Variants in ABLIM3 observed in about 807,000 individuals in gnomAD.
ABLIM3 encodes the protein actin-binding LIM protein 3.
Under a neutral mutation model 109.5 loss-of-function variants are expected in ABLIM3, and 61 were observed. The observed-to-expected ratio is 0.56, with a 90% confidence interval of 0.45 to 0.69. The LOEUF (loss-of-function observed/expected upper bound fraction) is 0.69. Among genes scored for constraint, ABLIM3 ranks in the 30% least tolerant of loss-of-function variants. The probability of loss-of-function intolerance (pLI) is 0.00; values close to 1 mark genes in which losing one functional copy is unlikely to be tolerated. For missense variants in ABLIM3, 796 were observed against 889.5 expected (o/e 0.89, Z 1.34); for synonymous variants, 300 against 324.8 (o/e 0.92, Z 0.82).
intron 2 of ABLIM3, among the ~76,000 whole-genome samples, chr5:149,168,747 CAT>C: frequency 6.6e-6 from 1 of 152,274 alleles, no homozygotes; most frequent in South Asian, 2.1e-4. Flanking sequence ...GATATTGGCA[CAT>C]GATATGGTGA....
Position 149,259,515 on chromosome 5 carries a change from C to G in ABLIM3, c.*1111C>G. ...ATACCATACCCCCGCCAGTCCTCGG[C>G]TCCTGCTGCAAAGTTGGCCATGTTT... is the stretch of plus-strand genomic sequence containing the variant. On this transcript the variant is annotated 3_prime_UTR_variant, in exon 24 of 24. Transcript: ENST00000309868. 1 of 1,536,218 alleles carries G rather than the reference C, an allele frequency of 6.5e-7. No homozygotes were observed. Among genetic ancestry groups the G allele is most frequent in the Non-Finnish European group, 8.7e-7 (1 of 1,146,932 alleles).
intron 7 of ABLIM3, among the ~76,000 whole-genome samples, chr5:149,213,668 G>A (rs1331907613): frequency 3.9e-5 from 6 of 152,190 alleles, no homozygotes; most frequent in Non-Finnish European, 7.3e-5. Flanking sequence ...AAGCTGCTTT[G>A]AAATCCTGTT....
At chr5:149,173,997 G>C (rs1411808432) in intron 2 of ABLIM3, among the ~76,000 whole-genome samples, 1 of 147,956 alleles carries the variant, frequency 6.8e-6, no homozygotes, top group Admixed American at 6.7e-5. Context: ...ACTCCAGCCT[G>C]GGCAACAGAG....
chr5:149,221,946 G>A (rs536348760), intron 8 of ABLIM3, among the ~76,000 whole-genome samples: 306 of 152,158 alleles, frequency 2.0e-3, no homozygotes, highest in Non-Finnish European at 3.6e-3. Context: ...CTGGAATTAC[G>A]TAAGTTCAGC....
intron 8 of ABLIM3, among the ~76,000 whole-genome samples, chr5:149,222,497 C>T (rs1262075650): frequency 6.6e-6 from 1 of 151,998 alleles, no homozygotes; most frequent in African/African-American, 2.4e-5. Context: ...GGCAGAGGGT[C>T]CATAGCTTTC....
At chr5:149,251,952 C>T (rs1228069983) in intron 21 of ABLIM3, among the ~76,000 whole-genome samples, 1 of 152,204 alleles carries the variant, frequency 6.6e-6, no homozygotes, top group African/African-American at 2.4e-5. Flanking sequence ...CTAAATATCT[C>T]TAAGGCCATT....
At chr5:149,237,869 G>A (rs142756393) in intron 11 of ABLIM3, among the ~76,000 whole-genome samples, 41 of 152,278 alleles carry the variant, frequency 2.7e-4, no homozygotes, top group African/African-American at 8.4e-4. Context: ...CAGGACATGA[G>A]CTTTCCATTC....
rs1487863071 is a variant in ABLIM3, at chr5:149,240,729, T to A, written c.1258T>A (p.Ser420Thr). The A allele has an allele frequency of 6.2e-6, 10 of 1,614,060 alleles. No homozygotes were observed. Among genetic ancestry groups the A allele is most frequent in the African/African-American group, 1.3e-5 (1 of 74,922 alleles). ...CCATAGCCAGTTAGATGTGAGGTCC[T>A]CCACTCCAACCTCTTACCAGGCTCC... ...PYHSQLDVRS[S>T]TPTSYQAPKH... The change falls in exon 14 of 24, where the codon TCC (serine) becomes ACC (threonine). Residue 420 changes from serine (S) to threonine (T), a missense_variant. Transcript: ENST00000309868.
chr5:149,258,171 A>G lies in ABLIM3; in HGVS notation c.1939-120A>G, dbSNP rs1754612320. ...CCCAGGCTCAGGCACCATGCAAGGC[A>G]CAGGGTGCCCAGAGGGAACATGCAG... On this transcript the variant is annotated intron_variant, in intron 23 of 23. Coordinates refer to ENST00000309868, the MANE Select transcript of ABLIM3 (RefSeq NM_014945.5). The G allele has an allele frequency of 6.5e-5, 49 of 755,724 alleles. 1 individual carries two copies. In the South Asian group the frequency reaches 8.4e-4, roughly 13 times the overall value. 46.8% of individuals were successfully genotyped at this position (755,724 alleles called of 1,614,324 possible).
At chr5:149,221,205 A>G (rs1321242178) in intron 8 of ABLIM3, among the ~76,000 whole-genome samples, 1 of 152,190 alleles carries the variant, frequency 6.6e-6, no homozygotes, top group East Asian at 1.9e-4. Context: ...GGGTGGGTGG[A>G]AGCAGAACGA....
intron 2 of ABLIM3, chr5:149,177,016 G>A (rs1032800682): frequency 1.3e-5 from 2 of 152,084 alleles, no homozygotes; most frequent in African/African-American, 4.8e-5. Context: ...TTGTCCTCTG[G>A]GTCTCAGCTT....
chr5:149,151,903 G>C (rs1233467956), intron 2 of ABLIM3, among the ~76,000 whole-genome samples: 2 of 152,326 alleles, frequency 1.3e-5, no homozygotes, highest in Non-Finnish European at 2.9e-5. Flanking sequence ...TAAGCATAAT[G>C]CTGGAGATAC....
intron 2 of ABLIM3, 33 bp from the exon 3 acceptor site, chr5:149,183,419 C>T (rs775046965): frequency 1.5e-5 from 23 of 1,485,934 alleles, no homozygotes; most frequent in Non-Finnish European, 2.0e-5. Flanking sequence ...GAATCAGGGC[C>T]TCTGGATAGT....
At position 149,237,436 on chromosome 5, in the gene ABLIM3, C is replaced by T; in HGVS notation, c.889-12C>T. The T allele has an allele frequency of 6.2e-7, 1 of 1,613,260 alleles. No individual in the cohort carries two copies. ...TTTCTATTCCTTTCCTGTCCATTTC[C>T]CTCTTCCCTAGGCTAAAGTGGATAA... On this transcript the variant is annotated splice_polypyrimidine_tract_variant and intron_variant, in intron 10 of 23. Coordinates refer to ENST00000309868, the MANE Select transcript of ABLIM3 (RefSeq NM_014945.5).
chr5:149,260,049 G>C lies in ABLIM3; in HGVS notation c.*1645G>C, dbSNP rs899648177. ...ACGGATGTAAGGCAGAAAGTGATCG[G>C]AGAAGGAATGAGAAAGTGTGCGTGA... On this transcript the variant is annotated 3_prime_UTR_variant, in exon 24 of 24. Coordinates refer to ENST00000309868, the MANE Select transcript of ABLIM3 (RefSeq NM_014945.5). The C allele has an allele frequency of 6.2e-6, 1 of 160,730 alleles. No homozygotes were observed. The highest frequency in any genetic ancestry group is 1.4e-5 in the Non-Finnish European group (1 of 72,966). 10.0% of individuals were successfully genotyped at this position (160,730 alleles called of 1,614,324 possible). A position where few individuals can be genotyped will look rare whatever the true frequency, so the allele number is the denominator to read the frequency against.
Position 149,142,028 on chromosome 5 carries a change from G to GA in ABLIM3, c.-66dup, listed in dbSNP as rs1008325475. Reference sequence around the variant, plus strand: ...CCCCAGGTGATGAGTGAGGTTCGAAGAACGGAAGATTTAAAAAGCAGCCGG... The same window carrying GA: ...CCCCAGGTGATGAGTGAGGTTCGAAGAAACGGAAGATTTAAAAAGCAGCCGG... On this transcript the variant is annotated 5_prime_UTR_variant, in exon 2 of 24. It introduces an in-frame stop codon into an upstream open reading frame of the 5' UTR. Coordinates refer to ENST00000309868, the MANE Select transcript of ABLIM3 (RefSeq NM_014945.5). 1 of 1,611,598 alleles carries GA rather than the reference G, an allele frequency of 6.2e-7. No individual in the cohort carries two copies. Among genetic ancestry groups the GA allele is most frequent in the Non-Finnish European group, 8.5e-7 (1 of 1,178,266 alleles).
At chr5:149,154,407 C>T (rs183217928) in intron 2 of ABLIM3, among the ~76,000 whole-genome samples, 5 of 152,274 alleles carry the variant, frequency 3.3e-5, no homozygotes, top group Admixed American at 1.3e-4. Context: ...GAGCCTGGGC[C>T]TGTTACATGT....
chr5:149,195,645 G>A (rs1757894303), intron 3 of ABLIM3, among the ~76,000 whole-genome samples: 2 of 152,294 alleles, frequency 1.3e-5, no homozygotes, highest in South Asian at 4.1e-4. Context: ...GGAAAAAACC[G>A]GAGCTGTTTC....
In ABLIM3 at chr5:149,240,661, T is replaced by G. The variant is rs3797315; in HGVS notation, c.1205-15T>G. On this transcript the variant is annotated splice_polypyrimidine_tract_variant and intron_variant, in intron 13 of 23. Transcript: ENST00000309868. ...GCCTCTGTTTTCTTTGGCGACCACT[T>G]CCTGCGTGCTCCAGGGCCCGAGAGT... 748,809 of 1,608,638 alleles carry G rather than the reference T, an allele frequency of 0.47. 177,405 individuals carry two copies. The highest frequency in any genetic ancestry group is 0.6 in the East Asian group (26,810 of 44,800).
Sources: gnomAD v4.1 joint callset for allele counts (sites outside exome capture counted in the v4.1 genomes callset) on GRCh38, gnomAD v4.1.1 for gene constraint, MANE v1.5 for transcripts, NCBI Gene and HGNC (gene_info 2026-07-23, HGNC 2026-07-21) for gene names.